The following RBFOX1 variants were observed in gnomAD, a reference collection of about 807,000 sequenced individuals.
RBFOX1 encodes RNA binding protein fox-1 homolog 1.
Under a neutral mutation model 57.7 loss-of-function variants are expected in RBFOX1, and 8 were observed. That is an observed-to-expected ratio of 0.14 (90% CI 0.08 to 0.25). RBFOX1 has a LOEUF of 0.25. Ranked by LOEUF, RBFOX1 falls within the 10% of genes least tolerant of loss-of-function variation. RBFOX1 has a pLI of 1.00. For missense variants in RBFOX1, 611 were observed against 548.5 expected, an observed-to-expected ratio of 1.11 and a Z score of -1.14; for synonymous variants, 326 against 222.4, an observed-to-expected ratio of 1.47 and a Z score of -4.15.
At chr16:6,487,752 T>A (rs7200904) in intron 2 of RBFOX1, among the ~76,000 whole-genome samples, 25,863 of 101,558 alleles carry the variant, frequency 0.25, 4,398 homozygotes, top group African/African-American at 0.33. Context: ...TATATATATA[T>A]ATAAAATATT....
chr16:6,528,014 G>C (rs563104481), intron 2 of RBFOX1, among the ~76,000 whole-genome samples: 1 of 152,104 alleles, frequency 6.6e-6, no homozygotes, highest in East Asian at 1.9e-4. Context: ...GATTTGCATG[G>C]ATTTCTCTAT....
chr16:7,180,160 C>G (rs1162989576), intron 4 of RBFOX1, among the ~76,000 whole-genome samples: 2 of 151,960 alleles, frequency 1.3e-5, no homozygotes, highest in Non-Finnish European at 2.9e-5. Flanking sequence ...CCTTGCAGAA[C>G]TATTATTATA....
chr16:5,564,610 G>A (rs1422211953), intron 2 of RBFOX1, among the ~76,000 whole-genome samples: 6 of 152,144 alleles, frequency 3.9e-5, no homozygotes, highest in Non-Finnish European at 5.9e-5. Flanking sequence ...TGGAGCTGTA[G>A]CATCTCTTTT....
At chr16:5,918,824 G>C (rs969516394) in intron 4 of RBFOX1, among the ~76,000 whole-genome samples, 7 of 152,186 alleles carry the variant, frequency 4.6e-5, no homozygotes, top group Non-Finnish European at 1.0e-4. Flanking sequence ...AACAAAGCAG[G>C]CTTGGCCAGA....
intron 1 of RBFOX1, among the ~76,000 whole-genome samples, chr16:5,442,210 A>C (rs905011451): frequency 4.6e-5 from 7 of 152,216 alleles, no homozygotes; most frequent in Non-Finnish European, 1.0e-4. Context: ...TAGTGGGAAC[A>C]CATTTGAGGG....
chr16:6,200,441 TG>T (rs1439048231), intron 1 of RBFOX1, among the ~76,000 whole-genome samples: 1 of 152,080 alleles, frequency 6.6e-6, no homozygotes, highest in African/African-American at 2.4e-5. Context: ...TGATTCCAGT[TG>T]CCTTCTTGTT....
At chr16:5,858,745 G>T (rs1203367236) in intron 3 of RBFOX1, among the ~76,000 whole-genome samples, 1 of 152,210 alleles carries the variant, frequency 6.6e-6, no homozygotes, top group Non-Finnish European at 1.5e-5. Flanking sequence ...GCAGAATTTG[G>T]TAGGAGATGG....
At chr16:6,846,932 G>A (rs900393545) in intron 3 of RBFOX1, among the ~76,000 whole-genome samples, 25 of 148,942 alleles carry the variant, frequency 1.7e-4, no homozygotes, top group African/African-American at 5.9e-4. Context: ...AAAAAAAAAA[G>A]AGGTGATGGC....
At chr16:5,716,817 C>T (rs913165104) in intron 3 of RBFOX1, among the ~76,000 whole-genome samples, 1 of 150,282 alleles carries the variant, frequency 6.7e-6, no homozygotes, top group African/African-American at 2.5e-5. Context: ...AGCGACTTGT[C>T]CCAGGTTGCA....
intron 4 of RBFOX1, among the ~76,000 whole-genome samples, chr16:7,491,211 C>G (rs1240933553): frequency 6.6e-6 from 1 of 152,102 alleles, no homozygotes; most frequent in African/African-American, 2.4e-5. Flanking sequence ...GCTTTCCGGG[C>G]ATTGCCACAT....
At chr16:5,580,730 G>T (rs1351149787) in intron 2 of RBFOX1, among the ~76,000 whole-genome samples, 2 of 152,206 alleles carry the variant, frequency 1.3e-5, no homozygotes, top group Non-Finnish European at 2.9e-5. Context: ...AGGCCGAGAG[G>T]TGGGGACTCC....
chr16:6,675,199 C>T lies in RBFOX1; in HGVS notation c.-16+20549C>T, dbSNP rs147371123. On this transcript the variant is annotated intron_variant, in intron 3 of 15. Transcript: ENST00000550418. Reference sequence around the variant, plus strand: ...GTTTACAGGCATAAGCCACTGCGCCCGGCCCATTTCTGTTGTTTTAAGCAA... The same window carrying T: ...GTTTACAGGCATAAGCCACTGCGCCTGGCCCATTTCTGTTGTTTTAAGCAA... Among the ~76,000 whole-genome samples the T allele has an allele frequency of 1.3e-3, 201 of 152,282 alleles. 1 individual carries two copies. Among genetic ancestry groups the T allele is most frequent in the African/African-American group, 4.3e-3 (179 of 41,566 alleles).
chr16:7,217,680 A>G (rs1392341342), intron 4 of RBFOX1, among the ~76,000 whole-genome samples: 2 of 152,210 alleles, frequency 1.3e-5, no homozygotes, highest in African/African-American at 4.8e-5. Flanking sequence ...CATAGGGGGA[A>G]GGATTTTTTT....
chr16:6,726,380 A>G (rs976009729), intron 3 of RBFOX1, among the ~76,000 whole-genome samples: 2 of 145,188 alleles, frequency 1.4e-5, no homozygotes, highest in African/African-American at 5.0e-5. Context: ...ATAAATAAAA[A>G]TAAAACGCTA....
intron 11 of RBFOX1, among the ~76,000 whole-genome samples, chr16:7,639,616 G>C (rs1210691022): frequency 6.6e-6 from 1 of 152,082 alleles, no homozygotes; most frequent in Admixed American, 6.6e-5. Context: ...ATAATGCTAA[G>C]GTTTCAGAAT....
intron 1 of RBFOX1, among the ~76,000 whole-genome samples, chr16:5,409,916 C>T (rs914663280): frequency 6.6e-5 from 10 of 151,872 alleles, no homozygotes; most frequent in Admixed American, 5.2e-4. Flanking sequence ...GGCATCGTGG[C>T]GGACACCTGT....
chr16:5,632,118 G>T (rs1596520582), intron 3 of RBFOX1, among the ~76,000 whole-genome samples: 1 of 152,166 alleles, frequency 6.6e-6, no homozygotes, highest in African/African-American at 2.4e-5. Flanking sequence ...CCCAGAAGAG[G>T]CCTCTTCACA....
intron 4 of RBFOX1, among the ~76,000 whole-genome samples, chr16:7,192,541 C>A (rs998831709): frequency 6.6e-6 from 1 of 152,080 alleles, no homozygotes. Context: ...TGTGAGAAGA[C>A]CAAAGACAAA....
chr16:7,390,132 A>T (rs2097971791), intron 4 of RBFOX1, among the ~76,000 whole-genome samples: 1 of 152,072 alleles, frequency 6.6e-6, no homozygotes, highest in African/African-American at 2.4e-5. Context: ...CATACTTTCA[A>T]ACAAACAGCT....
Sources: allele counts gnomAD v4.1 joint callset (sites outside exome capture counted in the v4.1 genomes callset), GRCh38; gene constraint gnomAD v4.1.1; transcripts MANE v1.5; gene names NCBI Gene and HGNC (gene_info 2026-07-23, HGNC 2026-07-21).